Variants in BRWD1 observed in about 807,000 individuals in gnomAD.
BRWD1 encodes the protein bromodomain and WD repeat domain containing 1.
A neutral mutation model predicts 251.2 loss-of-function variants in BRWD1; 82 were observed. The ratio of observed to expected loss-of-function variants is 0.33; its 90% CI spans 0.27 to 0.39. The LOEUF (loss-of-function observed/expected upper bound fraction) is 0.39, where lower values mean the gene tolerates loss of function less well. Ranked by LOEUF, BRWD1 falls within the 10% of genes least tolerant of loss-of-function variation. The pLI is 1.00. For missense variants in BRWD1, 2,233 were observed against 2,711.6 expected, an observed-to-expected ratio of 0.82 and a Z score of 3.92; for synonymous variants, 918 against 902.8, an observed-to-expected ratio of 1.02 and a Z score of -0.30.
intron 21 of BRWD1, among the ~76,000 whole-genome samples, chr21:39,240,081 A>G (rs902836004): frequency 3.9e-5 from 6 of 152,184 alleles, no homozygotes; most frequent in African/African-American, 1.2e-4. Flanking sequence ...AAACAAAAAA[A>G]TCAAGCCATG....
intron 10 of BRWD1, 31 bp from the exon 11 acceptor site, chr21:39,277,382 C>T (rs2146693358): frequency 7.4e-7 from 1 of 1,356,650 alleles, no homozygotes; most frequent in Non-Finnish European, 1.0e-6. Context: ...TTTAAACATC[C>T]AGTTTATAAC....
chr21:39,265,959 T>C (rs1432924467), intron 15 of BRWD1, among the ~76,000 whole-genome samples: 3 of 152,220 alleles, frequency 2.0e-5, no homozygotes, highest in Non-Finnish European at 2.9e-5. Context: ...ACTATATTAG[T>C]TTAATATCAT....
chr21:39,243,057 A>C (rs1217529814), intron 21 of BRWD1, among the ~76,000 whole-genome samples: 1 of 152,150 alleles, frequency 6.6e-6, no homozygotes, highest in Non-Finnish European at 1.5e-5. Context: ...TAAATCCAAC[A>C]ATCAAGACTG....
intron 33 of BRWD1, 32 bp from the exon 34 acceptor site, chr21:39,212,739 TA>T (rs2146499106): frequency 7.0e-7 from 1 of 1,423,136 alleles, no homozygotes; most frequent in Non-Finnish European, 9.7e-7. Context: ...CTTAAGTATT[TA>T]GAGTCTCATT....
intron 23 of BRWD1, among the ~76,000 whole-genome samples, chr21:39,234,205 T>C (rs1054166256): frequency 3.3e-5 from 5 of 152,128 alleles, no homozygotes; most frequent in Admixed American, 6.5e-5. Context: ...GAAGCAACAA[T>C]GAGAGATGCA....
intron 19 of BRWD1, 95 bp downstream of exon 19, chr21:39,255,546 CAATT>C: frequency 1.0e-6 from 1 of 980,708 alleles, no homozygotes; most frequent in East Asian, 2.6e-5. Flanking sequence ...TATATTTATA[CAATT>C]ATTTACACAA....
chr21:39,295,217 C>T (rs1434044969), intron 7 of BRWD1, among the ~76,000 whole-genome samples: 1 of 115,064 alleles, frequency 8.7e-6, no homozygotes, highest in African/African-American at 3.2e-5. Flanking sequence ...GACGGAATCT[C>T]GCTCTGTCGC....
At position 39,197,368 on chromosome 21, in the gene BRWD1, T is replaced by C. The variant is rs766162998; in HGVS notation, c.5701A>G (p.Arg1901Gly). The C allele has an allele frequency of 6.2e-6, 10 of 1,605,380 alleles. No homozygotes were observed. Among genetic ancestry groups the C allele is most frequent in the Non-Finnish European group, 7.6e-6 (9 of 1,177,286 alleles). The change falls in exon 41 of 41, where the codon AGG (arginine) becomes GGG (glycine). Residue 1901 changes from arginine to glycine, a missense_variant. Transcript: ENST00000342449. The part of the protein sequence containing the change: ...NGLSRKISRK[R>G]VCSSDSDSSL... The stretch of plus-strand genomic sequence containing the variant: ...CTGTCTGAGTCACTGGAACAGACCC[T>C]TTTCCTGGAAATTTTTCTGCTTAGT...
chr21:39,223,909 C>T (rs2033279466), intron 29 of BRWD1, among the ~76,000 whole-genome samples: 2 of 152,158 alleles, frequency 1.3e-5, no homozygotes, highest in Admixed American at 1.3e-4. Flanking sequence ...GTGCAGTAGC[C>T]GCAATCTTGG....
chr21:39,262,776 T>G (rs59916147), intron 17 of BRWD1, among the ~76,000 whole-genome samples: 77,241 of 151,948 alleles, frequency 0.51, 19,979 homozygotes, highest in African/African-American at 0.58. Flanking sequence ...ACAGAAAATG[T>G]AACACTGATT....
At position 39,280,174 on chromosome 21, in the gene BRWD1, T is replaced by C. The variant is rs751376362; in HGVS notation, c.906A>G (p.Gln302=). The stretch of plus-strand genomic sequence containing the variant: ...TAAATTTTAAGGATTCTAAATCCCA[T>C]TGCCAAAAGCAAACTGTCCCATCAG... ...TGADGTVCFW[Q]WDLESLKFSP... Residue 302 remains glutamine (Q), a synonymous_variant, in exon 9 of 41, where the codon CAA becomes CAG. Transcript: ENST00000342449. 23 of 1,605,856 alleles carry C rather than the reference T, an allele frequency of 1.4e-5. No homozygotes were observed. Among genetic ancestry groups the C allele is most frequent in the Middle Eastern group, 1.7e-4 (1 of 6,044 alleles).
At position 39,190,648 on chromosome 21, in the gene BRWD1, A is replaced by G; in HGVS notation, c.*5611T>C. 1 of 985,428 alleles carries G rather than the reference A, an allele frequency of 1.0e-6. No homozygotes were observed. The allele number at this position is 985,428 out of a possible 1,614,324, so 61.0% of individuals were successfully genotyped here. ...AAAACTCAGAAAGCAAATAACATTT[A>G]TCAATGATCTTCATCCCTCCCAAAG... is the stretch of plus-strand genomic sequence containing the variant. On this transcript the variant is annotated 3_prime_UTR_variant, in exon 41 of 41. Transcript: ENST00000342449.
chr21:39,200,963 G>A (rs2032079127), intron 38 of BRWD1, among the ~76,000 whole-genome samples: 2 of 152,150 alleles, frequency 1.3e-5, no homozygotes, highest in South Asian at 2.1e-4. Flanking sequence ...CAGCCTGGGC[G>A]ACAGAAAGAG....
intron 8 of BRWD1, among the ~76,000 whole-genome samples, chr21:39,284,267 G>A (rs115945110): frequency 6.6e-6 from 1 of 152,096 alleles, no homozygotes; most frequent in African/African-American, 2.4e-5. Flanking sequence ...ATTGCTTGAG[G>A]CCAGAAGTTC....
chr21:39,280,447 T>C (rs2035419973), intron 8 of BRWD1, among the ~76,000 whole-genome samples, 199 bp from the exon 9 acceptor site: 1 of 152,104 alleles, frequency 6.6e-6, no homozygotes, highest in Non-Finnish European at 1.5e-5. Flanking sequence ...ATAAGCCTAT[T>C]TTCAGAATGA....
intron 10 of BRWD1, 121 bp from the exon 11 acceptor site, chr21:39,277,472 C>T: frequency 1.6e-6 from 1 of 627,178 alleles, no homozygotes; most frequent in Non-Finnish European, 2.5e-6. Flanking sequence ...TTTATCTCAA[C>T]AGTTACATTT....
Position 39,195,652 on chromosome 21 carries a change from C to G in BRWD1, c.*607G>C. On this transcript the variant is annotated 3_prime_UTR_variant, in exon 41 of 41. Coordinates refer to ENST00000342449, the MANE Select transcript of BRWD1 (RefSeq NM_033656.4). ...AACGTTTTCCTTAAGAAGAAAAAAA[C>G]CCAACAGCACTTGGGAAGAAAATTA... is the stretch of plus-strand genomic sequence containing the variant. The G allele has an allele frequency of 2.0e-6, 2 of 984,990 alleles. No individual in the cohort carries two copies. Among genetic ancestry groups the G allele is most frequent in the Non-Finnish European group, 2.4e-6 (2 of 829,482 alleles). 61.0% of individuals were successfully genotyped at this position (984,990 alleles called of 1,614,324 possible). A position where few individuals can be genotyped will look rare whatever the true frequency, so the allele number is the denominator to read the frequency against.
chr21:39,214,224 T>A (rs1157082927), intron 32 of BRWD1, among the ~76,000 whole-genome samples: 1 of 152,098 alleles, frequency 6.6e-6, no homozygotes, highest in Non-Finnish European at 1.5e-5. Flanking sequence ...GAATGCTCAC[T>A]AGAATAGAGC....
At chr21:39,250,200 C>T (rs1568915634) in intron 20 of BRWD1, among the ~76,000 whole-genome samples, 1 of 152,022 alleles carries the variant, frequency 6.6e-6, no homozygotes, top group Non-Finnish European at 1.5e-5. Context: ...GAACTAAGGC[C>T]CATTCTTGTT....
Sources: allele counts gnomAD v4.1 joint callset (sites outside exome capture counted in the v4.1 genomes callset), GRCh38; gene constraint gnomAD v4.1.1; transcripts MANE v1.5; gene names NCBI Gene and HGNC (gene_info 2026-07-23, HGNC 2026-07-21).